TTC4: variants seen among roughly 807,000 people sequenced by gnomAD.
TTC4 encodes the protein tetratricopeptide repeat domain 4.
TTC4 carries 36 observed loss-of-function variants against 51.9 expected under a neutral mutation model. The observed-to-expected ratio is 0.69, with a 90% confidence interval of 0.53 to 0.92. TTC4 has a LOEUF of 0.92. Among genes scored for constraint, TTC4 ranks in the 40% least tolerant of loss-of-function variants. The pLI is 0.00. For synonymous variants in TTC4, 144 were observed against 164.2 expected (o/e 0.88, Z 0.94); for missense variants, 399 against 454.6 (o/e 0.88, Z 1.11).
intron 9 of TTC4, among the ~76,000 whole-genome samples, chr1:54,739,343 C>T (rs1013063478): frequency 7.9e-5 from 12 of 152,202 alleles, no homozygotes; most frequent in African/African-American, 2.9e-4. Flanking sequence ...AGCATTGGCT[C>T]TTGAAGTCAG....
rs2101367671 is a variant in TTC4 at position 54,737,663 on chromosome 1, A to G, written c.1060A>G (p.Arg354Gly). 1 of 1,612,386 alleles carries G rather than the reference A, an allele frequency of 6.2e-7. No individual in the cohort carries two copies. The highest frequency in any genetic ancestry group is 8.5e-7 in the Non-Finnish European group (1 of 1,179,922). Residue 354 changes from arginine to glycine, a missense_variant and splice_region_variant, in exon 9 of 10, where the codon AGG (arginine) becomes GGG (glycine). Physicochemically the swap from Arg to Gly is moderately radical, Grantham distance 125. Transcript: ENST00000371281. ...CTTGCTACAGGTTCTACAGCACCAG[A>G]GGTGAGTCATCTCATGGCGCTGAGT... ...STLLQVLQHQ[R>G]YFVKALTPAF...
At chr1:54,725,695 A>C (rs1168449241) in intron 5 of TTC4, among the ~76,000 whole-genome samples, 1 of 152,262 alleles carries the variant, frequency 6.6e-6, no homozygotes. Context: ...ATATCTTCTC[A>C]GAATGAAAGG....
In TTC4 at chr1:54,727,882, T is replaced by C. The variant is rs1051468469; in HGVS notation, c.595-464T>C. ...GACACACAAATGGCCAAAAAGCACATGAAAAGATGTTCAACATCATTAATA... is the reference window on the plus strand; with the variant it reads ...GACACACAAATGGCCAAAAAGCACACGAAAAGATGTTCAACATCATTAATA... On this transcript the variant is annotated intron_variant, in intron 5 of 9. Transcript: ENST00000371281. Among the ~76,000 whole-genome samples, 9 of 152,210 alleles carry C rather than the reference T, an allele frequency of 5.9e-5. 1 individual carries two copies. The highest frequency in any genetic ancestry group is 1.9e-4 in the African/African-American group (8 of 41,530).
chr1:54,733,030 T>C (rs1318729945), intron 7 of TTC4, among the ~76,000 whole-genome samples: 3 of 150,976 alleles, frequency 2.0e-5, no homozygotes, highest in African/African-American at 7.3e-5. Context: ...AAGGTTGCAG[T>C]GAGCAGAGAT....
At position 54,737,563 on chromosome 1, in the gene TTC4, C is replaced by T; in HGVS notation, c.979-19C>T. On this transcript the variant is annotated intron_variant, in intron 8 of 9. Coordinates refer to ENST00000371281, the MANE Select transcript of TTC4 (RefSeq NM_004623.5). Reference sequence around the variant, plus strand: ...CGAAGCCTTTATCTCTGACTCTTGCCCTTCTGTTAATCTTGCAGGTCTACT... The same window carrying T: ...CGAAGCCTTTATCTCTGACTCTTGCTCTTCTGTTAATCTTGCAGGTCTACT... 1 of 1,612,422 alleles carries T rather than the reference C, an allele frequency of 6.2e-7. No homozygotes were observed. Among genetic ancestry groups the T allele is most frequent in the Non-Finnish European group, 8.5e-7 (1 of 1,179,154 alleles).
chr1:54,716,487 G>T, intron 1 of TTC4, 113 bp from the exon 2 acceptor site: 1 of 765,444 alleles, frequency 1.3e-6, no homozygotes, highest in South Asian at 1.7e-5. Flanking sequence ...GATACAGCTA[G>T]CTGTGATGAT....
chr1:54,734,119 T>A (rs1645905787), intron 8 of TTC4, among the ~76,000 whole-genome samples: 2 of 152,246 alleles, frequency 1.3e-5, no homozygotes, highest in South Asian at 4.1e-4. Context: ...TCACCCAGGC[T>A]GGAGTGCAGT....
chr1:54,731,781 G>GGTTGAGA, intron 7 of TTC4, 81 bp downstream of exon 7: 1 of 1,343,586 alleles, frequency 7.4e-7, no homozygotes, highest in Admixed American at 2.1e-5. Context: ...GTGGATTTTT[G>GGTTGAGA]GTTGAGAAGG....
chr1:54,718,469 G>A (rs920122636), intron 3 of TTC4, among the ~76,000 whole-genome samples: 5 of 151,940 alleles, frequency 3.3e-5, no homozygotes, highest in Admixed American at 6.6e-5. Flanking sequence ...GGCTGGTCTC[G>A]AAATTGGGCT....
intron 4 of TTC4, 34 bp from the exon 5 acceptor site, chr1:54,722,641 T>G (rs369390426): frequency 5.0e-6 from 8 of 1,606,398 alleles, no homozygotes; most frequent in Middle Eastern, 3.3e-4. Context: ...CCATGCATGT[T>G]TTTCTTGAAT....
chr1:54,737,797 T>G, intron 9 of TTC4, 133 bp downstream of exon 9: 1 of 889,548 alleles, frequency 1.1e-6, no homozygotes, highest in Admixed American at 2.6e-5. Context: ...GAACTCACAG[T>G]TCCACGTGGC....
At chr1:54,731,363 A>G (rs1287258207) in intron 6 of TTC4, 123 bp from the exon 7 acceptor site, 1 of 873,230 alleles carries the variant, frequency 1.1e-6, no homozygotes, top group Non-Finnish European at 1.7e-6. Context: ...CAAAAAATAA[A>G]AATAAATAAA....
At position 54,717,625 on chromosome 1, in the gene TTC4, C is replaced by T; in HGVS notation, c.363C>T (p.Thr121=). 1 of 1,605,726 alleles carries T rather than the reference C, an allele frequency of 6.2e-7. No individual in the cohort carries two copies. The part of the protein sequence containing the change: ...ADPDLNAVLY[T]NRAAAQYYLG... ...CTGATTTGAATGCTGTCCTTTATAC[C>T]AACCGGGCAGCAGCACAGTACTATC... The change falls in exon 3 of 10, where the codon ACC becomes ACT. Residue 121 remains threonine (T), a synonymous_variant. Coordinates refer to ENST00000371281, the MANE Select transcript of TTC4 (RefSeq NM_004623.5).
intron 5 of TTC4, 62 bp downstream of exon 5, chr1:54,722,861 TTG>T: frequency 6.3e-7 from 1 of 1,589,580 alleles, no homozygotes. Context: ...ATTCCCAAGA[TTG>T]TGTCTCTCAA....
At chr1:54,726,013 A>C (rs1264440099) in intron 5 of TTC4, among the ~76,000 whole-genome samples, 1 of 152,212 alleles carries the variant, frequency 6.6e-6, no homozygotes, top group Non-Finnish European at 1.5e-5. Context: ...TGGGGGTCCT[A>C]GAAGGAGAGA....
chr1:54,721,700 AG>A (rs895021474), intron 4 of TTC4, among the ~76,000 whole-genome samples: 1 of 152,202 alleles, frequency 6.6e-6, no homozygotes, highest in African/African-American at 2.4e-5. Flanking sequence ...TTCTTTGAGA[AG>A]CTCATAGGTG....
intron 8 of TTC4, among the ~76,000 whole-genome samples, chr1:54,735,894 T>C (rs554756194): frequency 6.6e-6 from 1 of 152,310 alleles, no homozygotes; most frequent in East Asian, 1.9e-4. Flanking sequence ...AATTTGTTTC[T>C]GTGTCCTTTT....
chr1:54,717,577 C>T lies in TTC4; in HGVS notation c.315C>T (p.Gly105=). ...AAGCTGTAATTTCATACACTGAAGG[C>T]TTAAAGAAGAAATGTGCAGATCCTG... is the stretch of plus-strand genomic sequence containing the variant. ...YKKAVISYTE[G]LKKKCADPDL... is the part of the protein sequence containing the mutation. The change falls in exon 3 of 10, where the codon GGC becomes GGT. Residue 105 remains glycine (G), a synonymous_variant. Transcript: ENST00000371281. 1 of 1,612,002 alleles carries T rather than the reference C, an allele frequency of 6.2e-7. No homozygotes were observed. The highest frequency in any genetic ancestry group is 8.5e-7 in the Non-Finnish European group (1 of 1,179,222).
intron 9 of TTC4, 127 bp downstream of exon 9, chr1:54,737,791 T>A: frequency 1.0e-6 from 1 of 952,470 alleles, no homozygotes; most frequent in Non-Finnish European, 1.5e-6. Flanking sequence ...AGTGGAGAAC[T>A]CACAGTTCCA....
Sources: allele counts gnomAD v4.1 joint callset (sites outside exome capture counted in the v4.1 genomes callset), GRCh38; gene constraint gnomAD v4.1.1; transcripts MANE v1.5; gene names NCBI Gene and HGNC (gene_info 2026-07-23, HGNC 2026-07-21).